PLPP1: variants seen among roughly 807,000 people sequenced by gnomAD.
The protein encoded by PLPP1 is phospholipid phosphatase 1.
PLPP1 carries 24 observed loss-of-function variants against 31.2 expected under a neutral mutation model. The observed-to-expected ratio is 0.77, with a 90% CI of 0.56 to 1.08. The LOEUF (loss-of-function observed/expected upper bound fraction) is 1.08. PLPP1 is among the 50% of genes least tolerant of loss of function. The pLI, the probability that PLPP1 is intolerant of heterozygous loss-of-function variation, is 0.00. For missense variants in PLPP1, 319 were observed against 342.7 expected, an observed-to-expected ratio of 0.93 and a Z score of 0.55; for synonymous variants, 146 against 126.3, an observed-to-expected ratio of 1.16 and a Z score of -1.05.
At chr5:55,516,567 G>A (rs1404076821) in intron 1 of PLPP1, among the ~76,000 whole-genome samples, 3 of 152,152 alleles carry the variant, frequency 2.0e-5, no homozygotes, top group Non-Finnish European at 4.4e-5. Context: ...CGGTGACTGG[G>A]CCACATGCCA....
At chr5:55,508,007 G>A (rs1197474909) in intron 1 of PLPP1, among the ~76,000 whole-genome samples, 1 of 152,072 alleles carries the variant, frequency 6.6e-6, no homozygotes, top group Admixed American at 6.6e-5. Context: ...TCAGGCATGT[G>A]CCACCATGCC....
intron 1 of PLPP1, among the ~76,000 whole-genome samples, chr5:55,523,088 T>C (rs1430153027): frequency 6.6e-6 from 1 of 151,958 alleles, no homozygotes; most frequent in Admixed American, 6.5e-5. Context: ...ATATTTTTTT[T>C]ACTTTTAATT....
intron 4 of PLPP1, among the ~76,000 whole-genome samples, chr5:55,433,896 G>A (rs1451712426): frequency 6.6e-6 from 1 of 152,012 alleles, no homozygotes; most frequent in African/African-American, 2.4e-5. Context: ...CAGCACTTTG[G>A]GAGGCCGAGG....
chr5:55,463,543 C>A (rs1188922789), intron 3 of PLPP1, among the ~76,000 whole-genome samples: 1 of 151,764 alleles, frequency 6.6e-6, no homozygotes, highest in Non-Finnish European at 1.5e-5. Context: ...CACCTGTAAT[C>A]CCAGCTACTC....
chr5:55,498,419 AAC>A (rs371878208), intron 1 of PLPP1, among the ~76,000 whole-genome samples: 30 of 150,416 alleles, frequency 2.0e-4, no homozygotes, highest in South Asian at 8.4e-4. Context: ...GTGTATCTAA[AAC>A]ACACACACAC....
At chr5:55,487,844 T>G (rs1404755819) in intron 1 of PLPP1, among the ~76,000 whole-genome samples, 1 of 152,084 alleles carries the variant, frequency 6.6e-6, no homozygotes, top group African/African-American at 2.4e-5. Context: ...TAAATTGGCA[T>G]TAGGTCGGGC....
At chr5:55,469,511 T>TA (rs11339238) in intron 2 of PLPP1, among the ~76,000 whole-genome samples, 2,231 of 143,914 alleles carry the variant, frequency 0.016, 48 homozygotes, top group African/African-American at 0.053. Flanking sequence ...TAATAAAAAT[T>TA]AAAAAAAAAA....
chr5:55,478,252 A>G (rs1175405572), intron 1 of PLPP1, among the ~76,000 whole-genome samples: 1 of 152,226 alleles, frequency 6.6e-6, no homozygotes, highest in African/African-American at 2.4e-5. Context: ...GAACAAAATA[A>G]AACCCCATAC....
chr5:55,529,651 T>C (rs1333256889), intron 1 of PLPP1, among the ~76,000 whole-genome samples: 4 of 152,206 alleles, frequency 2.6e-5, no homozygotes. Flanking sequence ...GATTTTCTTA[T>C]AGTTGAATTT....
At chr5:55,466,330 C>T (rs1752294361) in intron 3 of PLPP1, among the ~76,000 whole-genome samples, 1 of 152,178 alleles carries the variant, frequency 6.6e-6, no homozygotes, top group East Asian at 1.9e-4. Context: ...ATGTCTTGTT[C>T]ACTGCTAAAC....
At chr5:55,434,268 A>G (rs1485452939) in intron 4 of PLPP1, among the ~76,000 whole-genome samples, 4 of 152,154 alleles carry the variant, frequency 2.6e-5, no homozygotes, top group African/African-American at 9.7e-5. Flanking sequence ...ACACTGGTGA[A>G]TGAAAATGCA....
chr5:55,468,213 C>T, intron 2 of PLPP1, 64 bp from the exon 3 acceptor site: 1 of 1,389,912 alleles, frequency 7.2e-7, no homozygotes, highest in Non-Finnish European at 9.7e-7. Flanking sequence ...CAAAACAAAA[C>T]ATAGGGGGAA....
At chr5:55,444,363 G>C (rs1751703350) in intron 3 of PLPP1, among the ~76,000 whole-genome samples, 1 of 152,144 alleles carries the variant, frequency 6.6e-6, no homozygotes, top group South Asian at 2.1e-4. Context: ...TTACAAGCGT[G>C]AGCCACCGCG....
chr5:55,503,938 G>A (rs1753204873), intron 1 of PLPP1, among the ~76,000 whole-genome samples: 2 of 135,680 alleles, frequency 1.5e-5, no homozygotes, highest in South Asian at 5.8e-4. Context: ...GGAGAGGAGG[G>A]AGGGAGGGGT....
chr5:55,441,843 GTACT>G lies in PLPP1; in HGVS notation c.549+4_549+7del. The G allele has an allele frequency of 1.2e-6, 2 of 1,611,900 alleles. No individual in the cohort carries two copies. Among genetic ancestry groups the G allele is most frequent in the Non-Finnish European group, 1.7e-6 (2 of 1,177,972 alleles). ...TAACCTAACCGTCAACAGACACAAA[GTACT>G]TACTGCCACAAACAGCATGCAGTAC... is the stretch of plus-strand genomic sequence containing the variant. On this transcript the variant is annotated splice_donor_5th_base_variant and intron_variant, in intron 4 of 5. Coordinates refer to ENST00000307259, the MANE Select transcript of PLPP1 (RefSeq NM_003711.4).
At chr5:55,477,184 A>G (rs1355850409) in intron 1 of PLPP1, among the ~76,000 whole-genome samples, 1 of 152,162 alleles carries the variant, frequency 6.6e-6, no homozygotes, top group Non-Finnish European at 1.5e-5. Context: ...CAATACATAT[A>G]CCATGGTTAC....
intron 3 of PLPP1, among the ~76,000 whole-genome samples, chr5:55,446,947 C>T (rs1369575423): frequency 1.3e-5 from 2 of 152,190 alleles, no homozygotes; most frequent in African/African-American, 4.8e-5. Flanking sequence ...CAGGAACCGG[C>T]AGATACTTTC....
chr5:55,489,936 A>C (rs1470806080), intron 1 of PLPP1, among the ~76,000 whole-genome samples: 1 of 152,174 alleles, frequency 6.6e-6, no homozygotes, highest in African/African-American at 2.4e-5. Flanking sequence ...TTTCCAAGTC[A>C]CATAAAATGA....
chr5:55,477,396 CTTT>C (rs3070044), intron 1 of PLPP1, among the ~76,000 whole-genome samples: 1 of 133,320 alleles, frequency 7.5e-6, no homozygotes. Context: ...TTTTTCTTTT[CTTT>C]TTTTTTTTTT....
Sources: gnomAD v4.1 joint callset for allele counts (sites outside exome capture counted in the v4.1 genomes callset) on GRCh38, gnomAD v4.1.1 for gene constraint, MANE v1.5 for transcripts, NCBI Gene and HGNC (gene_info 2026-07-23, HGNC 2026-07-21) for gene names.